Variants in SORCS1 observed in about 807,000 individuals in gnomAD.
SORCS1 encodes VPS10 domain-containing receptor SorCS1.
In SORCS1, 60 loss-of-function variants were observed where a neutral mutation model predicts 146.1. That is an observed-to-expected ratio of 0.41 (90% CI 0.33 to 0.51). The LOEUF (loss-of-function observed/expected upper bound fraction) is 0.51. SORCS1 is among the 20% of genes least tolerant of loss of function. The pLI is 0.21. For synonymous variants in SORCS1, 637 were observed against 584.0 expected, an observed-to-expected ratio of 1.09 and a Z score of -1.31; for missense variants, 1,352 against 1,487.6, an observed-to-expected ratio of 0.91 and a Z score of 1.50.
At chr10:106,751,192 A>C (rs552588573) in intron 5 of SORCS1, among the ~76,000 whole-genome samples, 1 of 152,120 alleles carries the variant, frequency 6.6e-6, no homozygotes, top group South Asian at 2.1e-4. Context: ...AAGGTAATAA[A>C]AATTTTCTTA....
chr10:106,620,791 A>C (rs1847693244), intron 19 of SORCS1, among the ~76,000 whole-genome samples: 1 of 149,796 alleles, frequency 6.7e-6, no homozygotes, highest in African/African-American at 2.5e-5. Flanking sequence ...CTAACACCTG[A>C]GTTAGGTGTG....
chr10:107,108,718 G>A (rs375681467), intron 1 of SORCS1, among the ~76,000 whole-genome samples: 15 of 152,042 alleles, frequency 9.9e-5, no homozygotes, highest in East Asian at 5.8e-4. Context: ...CAGTCCCCCC[G>A]TCTTAACTCA....
intron 1 of SORCS1, among the ~76,000 whole-genome samples, chr10:106,987,652 C>G (rs553757437): frequency 6.6e-6 from 1 of 152,096 alleles, no homozygotes; most frequent in Non-Finnish European, 1.5e-5. Context: ...GGATTAAAAC[C>G]CATTCAGTTT....
chr10:107,081,712 GA>G (rs1237255869), intron 1 of SORCS1, among the ~76,000 whole-genome samples: 2 of 151,964 alleles, frequency 1.3e-5, no homozygotes, highest in Admixed American at 1.3e-4. Flanking sequence ...ATGATCAGAA[GA>G]AAAAAGAATA....
chr10:106,664,382 C>A (rs1424055509), intron 17 of SORCS1, among the ~76,000 whole-genome samples: 2 of 152,136 alleles, frequency 1.3e-5, no homozygotes, highest in African/African-American at 4.8e-5. Flanking sequence ...GTGGCTCATG[C>A]CTGTAATCCC....
chr10:106,859,419 G>C (rs979013122), intron 2 of SORCS1, among the ~76,000 whole-genome samples: 2 of 151,706 alleles, frequency 1.3e-5, no homozygotes, highest in Non-Finnish European at 2.9e-5. Context: ...TTTTGAGACT[G>C]GGTCTCACTT....
chr10:106,696,319 T>C (rs563701603), intron 9 of SORCS1, among the ~76,000 whole-genome samples: 2 of 152,338 alleles, frequency 1.3e-5, no homozygotes, highest in Admixed American at 6.5e-5. Context: ...TCATTGCAAT[T>C]CTACTGGGAA....
At chr10:106,664,020 T>A (rs1215116966) in intron 17 of SORCS1, among the ~76,000 whole-genome samples, 1 of 152,228 alleles carries the variant, frequency 6.6e-6, no homozygotes, top group Non-Finnish European at 1.5e-5. Context: ...GATGCTTTTC[T>A]GCAAAATCTT....
intron 2 of SORCS1, among the ~76,000 whole-genome samples, chr10:106,944,802 C>T (rs11193126): frequency 7.0e-6 from 1 of 143,480 alleles, no homozygotes; most frequent in African/African-American, 2.6e-5. Flanking sequence ...TAAAATCATT[C>T]TAGATCATGA....
chr10:106,764,295 C>G (rs112868876), intron 4 of SORCS1, among the ~76,000 whole-genome samples: 1 of 151,884 alleles, frequency 6.6e-6, no homozygotes, highest in East Asian at 1.9e-4. Flanking sequence ...TTATACCGAC[C>G]AAAAAGAAAA....
chr10:107,004,179 A>C (rs1327686597), intron 1 of SORCS1, among the ~76,000 whole-genome samples: 1 of 150,280 alleles, frequency 6.7e-6, no homozygotes, highest in Non-Finnish European at 1.5e-5. Context: ...CCATCTCAAA[A>C]AAAAAAAAAA....
intron 2 of SORCS1, among the ~76,000 whole-genome samples, chr10:106,895,719 G>C (rs1242797554): frequency 6.6e-6 from 1 of 152,168 alleles, no homozygotes; most frequent in African/African-American, 2.4e-5. Context: ...ATGGAAAATG[G>C]TATGGAGGTT....
chr10:107,095,691 A>G lies in SORCS1; in HGVS notation c.558+68278T>C, dbSNP rs140995010. Among the ~76,000 whole-genome samples, 284 of 152,290 alleles carry G rather than the reference A, an allele frequency of 1.9e-3. 1 individual carries two copies. Among genetic ancestry groups the G allele is most frequent in the African/African-American group, 6.3e-3 (260 of 41,564 alleles). The stretch of plus-strand genomic sequence containing the variant: ...TGTACAAATTTTAAATCCACTCTAT[A>G]TGTAAGGGCCAGTGATTTATCAGTG... On this transcript the variant is annotated intron_variant, in intron 1 of 25. Transcript: ENST00000263054.
chr10:106,607,300 G>T lies in SORCS1; in HGVS notation c.3034-3C>A. 6.2e-7 allele frequency: 1 copy of T among 1,613,810 alleles called. No homozygotes were observed. The highest frequency in any genetic ancestry group is 2.2e-5 in the East Asian group (1 of 44,862). On this transcript the variant is annotated splice_region_variant and splice_polypyrimidine_tract_variant and intron_variant, in intron 22 of 25. Coordinates refer to ENST00000263054, the MANE Select transcript of SORCS1 (RefSeq NM_052918.5). ...TGCTGGCCTGGAACCCCTGTGGCCT[G>T]AGGGACAGACACAGGGGCTCACATT...
chr10:107,088,762 A>T (rs1187358429), intron 1 of SORCS1, among the ~76,000 whole-genome samples: 1 of 152,098 alleles, frequency 6.6e-6, no homozygotes, highest in African/African-American at 2.4e-5. Flanking sequence ...GAGTTACATA[A>T]ATGGTAGGGC....
At chr10:107,133,999 C>T (rs1420708578) in intron 1 of SORCS1, among the ~76,000 whole-genome samples, 1 of 152,174 alleles carries the variant, frequency 6.6e-6, no homozygotes, top group Non-Finnish European at 1.5e-5. Flanking sequence ...GCTGACATTT[C>T]TGTGTGAGTC....
chr10:106,709,657 C>G (rs924930376), intron 6 of SORCS1, among the ~76,000 whole-genome samples: 1 of 151,956 alleles, frequency 6.6e-6, no homozygotes, highest in Non-Finnish European at 1.5e-5. Context: ...ACCGTGTTAG[C>G]CAGGATGGTC....
At chr10:106,589,761 C>T (rs1469082471) in intron 24 of SORCS1, among the ~76,000 whole-genome samples, 1 of 150,652 alleles carries the variant, frequency 6.6e-6, no homozygotes, top group Non-Finnish European at 1.5e-5. Flanking sequence ...AACAAATTAC[C>T]ATATCTTGCC....
At chr10:106,623,935 C>T (rs1455032916) in intron 19 of SORCS1, among the ~76,000 whole-genome samples, 1 of 152,084 alleles carries the variant, frequency 6.6e-6, no homozygotes, top group African/African-American at 2.4e-5. Context: ...CCACCCACCT[C>T]GGCCCCCCCA....
Sources: allele counts gnomAD v4.1 joint callset (sites outside exome capture counted in the v4.1 genomes callset), GRCh38; gene constraint gnomAD v4.1.1; transcripts MANE v1.5; gene names NCBI Gene and HGNC (gene_info 2026-07-23, HGNC 2026-07-21).